PPP1R12B: variants seen among roughly 807,000 people sequenced by gnomAD.
PPP1R12B encodes the protein myosin phosphatase target subunit 2.
A neutral mutation model predicts 126.1 loss-of-function variants in PPP1R12B; 76 were observed. The ratio of observed to expected loss-of-function variants is 0.60; its 90% CI spans 0.50 to 0.73. PPP1R12B has a LOEUF of 0.73. Among genes scored for constraint, PPP1R12B ranks in the 30% least tolerant of loss-of-function variants. PPP1R12B has a pLI of 0.00. For synonymous variants in PPP1R12B, 356 were observed against 434.7 expected (o/e 0.82, Z 2.25); for missense variants, 1,052 against 1,205.1 (o/e 0.87, Z 1.88).
intron 14 of PPP1R12B, among the ~76,000 whole-genome samples, chr1:202,490,768 G>T (rs1333461962): frequency 6.6e-6 from 1 of 152,146 alleles, no homozygotes; most frequent in African/African-American, 2.4e-5. Context: ...AGTTATCAAG[G>T]TTCATCCATA....
chr1:202,528,323 C>T (rs1034665844), intron 18 of PPP1R12B, among the ~76,000 whole-genome samples: 12 of 152,198 alleles, frequency 7.9e-5, no homozygotes, highest in African/African-American at 2.2e-4. Flanking sequence ...CATCTGTTAG[C>T]TCTTACATGC....
intron 18 of PPP1R12B, among the ~76,000 whole-genome samples, chr1:202,499,182 G>A (rs1679916141): frequency 6.6e-6 from 1 of 152,132 alleles, no homozygotes; most frequent in African/African-American, 2.4e-5. Context: ...AATCTATGGT[G>A]ATAGAAATCA....
At position 202,567,766 on chromosome 1, in the gene PPP1R12B, C is replaced by T; in HGVS notation, c.2758-12C>T. The T allele has an allele frequency of 6.2e-7, 1 of 1,613,864 alleles. No homozygotes were observed. The highest frequency in any genetic ancestry group is 8.5e-7 in the Non-Finnish European group (1 of 1,179,762). On this transcript the variant is annotated splice_polypyrimidine_tract_variant and intron_variant, in intron 21 of 23. Coordinates refer to ENST00000608999, the MANE Select transcript of PPP1R12B (RefSeq NM_002481.4). The stretch of plus-strand genomic sequence containing the variant: ...ACTTAAATAACAACTGTTTTCCTTC[C>T]ATTTGCACCAGCAGAAACAAGAAAA...
intron 2 of PPP1R12B, among the ~76,000 whole-genome samples, chr1:202,418,275 G>A (rs1668339773): frequency 2.0e-5 from 3 of 152,158 alleles, no homozygotes; most frequent in Admixed American, 1.3e-4. Context: ...GAACATGTTG[G>A]CCTTTCAATT....
chr1:202,450,119 C>G (rs998586700), intron 13 of PPP1R12B, among the ~76,000 whole-genome samples: 2 of 152,166 alleles, frequency 1.3e-5, no homozygotes, highest in African/African-American at 4.8e-5. Context: ...TATGGATAGT[C>G]TACGTTGACT....
At chr1:202,476,362 A>G (rs1441496996) in intron 13 of PPP1R12B, among the ~76,000 whole-genome samples, 1 of 151,112 alleles carries the variant, frequency 6.6e-6, no homozygotes, top group Non-Finnish European at 1.5e-5. Context: ...GTTTTTATAT[A>G]TTATAAGCTA....
intron 18 of PPP1R12B, chr1:202,539,915 CTGAAT>C: frequency 1.6e-6 from 1 of 640,070 alleles, no homozygotes; most frequent in East Asian, 5.8e-5. Context: ...GTGGTCAAAG[CTGAAT>C]TGAAAATATT....
intron 12 of PPP1R12B, among the ~76,000 whole-genome samples, chr1:202,446,378 C>T (rs1307419236): frequency 6.8e-6 from 1 of 147,322 alleles, no homozygotes; most frequent in Non-Finnish European, 1.5e-5. Flanking sequence ...CTCAGCCTCC[C>T]GAGTAGCTGG....
At chr1:202,489,493 A>T (rs61821745) in intron 14 of PPP1R12B, among the ~76,000 whole-genome samples, 4,043 of 152,358 alleles carry the variant, frequency 0.027, 77 homozygotes, top group South Asian at 0.052. Flanking sequence ...GGGTAAACCA[A>T]ATGTGATAAA....
chr1:202,564,339 C>A (rs1231848503), intron 20 of PPP1R12B, 104 bp from the exon 21 acceptor site: 1 of 754,094 alleles, frequency 1.3e-6, no homozygotes, highest in Non-Finnish European at 2.2e-6. Flanking sequence ...TCTCTCTCTA[C>A]CATATAGTGG....
chr1:202,397,759 C>G (rs1665199492), intron 1 of PPP1R12B, among the ~76,000 whole-genome samples: 1 of 152,066 alleles, frequency 6.6e-6, no homozygotes, highest in South Asian at 2.1e-4. Context: ...AAGTTACTAT[C>G]CCTTGAGTTA....
At chr1:202,373,123 A>T (rs1412550844) in intron 1 of PPP1R12B, among the ~76,000 whole-genome samples, 2 of 151,914 alleles carry the variant, frequency 1.3e-5, no homozygotes, top group Non-Finnish European at 2.9e-5. Flanking sequence ...TTTGGTAGAG[A>T]TGGGGTTTCA....
At chr1:202,415,470 A>G (rs1667945793) in intron 1 of PPP1R12B, among the ~76,000 whole-genome samples, 1 of 152,246 alleles carries the variant, frequency 6.6e-6, no homozygotes, top group Non-Finnish European at 1.5e-5. Flanking sequence ...AGGGGATTAA[A>G]AGGCAAGTTT....
chr1:202,381,953 G>T (rs1228718144), intron 1 of PPP1R12B, among the ~76,000 whole-genome samples: 1 of 152,158 alleles, frequency 6.6e-6, no homozygotes, highest in Non-Finnish European at 1.5e-5. Context: ...AAATCATGCT[G>T]CTGTAAAGAC....
intron 1 of PPP1R12B, among the ~76,000 whole-genome samples, chr1:202,375,146 G>C (rs1049969575): frequency 4.0e-5 from 6 of 151,732 alleles, no homozygotes; most frequent in African/African-American, 1.2e-4. Context: ...CTTTCACCAT[G>C]TTGGTCAGGC....
At position 202,438,220 on chromosome 1, in the gene PPP1R12B, A is replaced by G. The variant is rs1212098445; in HGVS notation, c.1458+196A>G. On this transcript the variant is annotated intron_variant, in intron 10 of 23. Transcript: ENST00000608999. The stretch of plus-strand genomic sequence containing the variant: ...GCTATTGTTTGCTTGACCAAAAAAG[A>G]AAATAAAAAAGCTTTAAAAATAGCT... 2.5e-6 allele frequency: 4 copies of G among 1,569,270 alleles called. No individual in the cohort carries two copies. In the Admixed American group the frequency reaches 7.2e-5, roughly 28 times the overall value.
At chr1:202,478,942 AT>A (rs1677015542) in intron 13 of PPP1R12B, among the ~76,000 whole-genome samples, 1 of 152,188 alleles carries the variant, frequency 6.6e-6, no homozygotes, top group African/African-American at 2.4e-5. Flanking sequence ...TCTGTCCTGT[AT>A]GCAAAGAAGA....
At chr1:202,389,718 G>C (rs1663804616) in intron 1 of PPP1R12B, among the ~76,000 whole-genome samples, 1 of 152,100 alleles carries the variant, frequency 6.6e-6, no homozygotes, top group African/African-American at 2.4e-5. Context: ...CACGAGGTCA[G>C]GAGTTCGAGA....
At chr1:202,441,959 C>T (rs547260677) in intron 11 of PPP1R12B, among the ~76,000 whole-genome samples, 102 of 152,016 alleles carry the variant, frequency 6.7e-4, no homozygotes, top group African/African-American at 2.1e-3. Flanking sequence ...TGGGTTCAAG[C>T]GATTCTCGTG....
Sources: gnomAD v4.1 joint callset for allele counts (sites outside exome capture counted in the v4.1 genomes callset) on GRCh38, gnomAD v4.1.1 for gene constraint, MANE v1.5 for transcripts, NCBI Gene and HGNC (gene_info 2026-07-23, HGNC 2026-07-21) for gene names.